The following SYCP2L variants were observed in gnomAD, a reference collection of about 807,000 sequenced individuals.
The protein encoded by SYCP2L is synaptonemal complex protein 2 like, also known as synaptonemal complex protein 2-like.
A neutral mutation model predicts 125.8 loss-of-function variants in SYCP2L; 98 were observed. The ratio of observed to expected loss-of-function variants is 0.78; its 90% CI spans 0.66 to 0.92. SYCP2L has a LOEUF of 0.92. SYCP2L is among the 40% of genes least tolerant of loss of function. SYCP2L has a pLI of 0.00. For missense variants in SYCP2L, 842 were observed against 936.4 expected (o/e 0.90, Z 1.32); for synonymous variants, 317 against 325.4 (o/e 0.97, Z 0.28).
rs572626170 is a variant in SYCP2L at position 10,910,793 on chromosome 6, T to C, written c.873-31T>C. On this transcript the variant is annotated intron_variant, in intron 11 of 29. Coordinates refer to ENST00000283141, the MANE Select transcript of SYCP2L (RefSeq NM_001040274.3). Reference sequence around the variant, plus strand: ...AGATGTGTTTAAGATTCATTCATGTTTTATTTTTTTAATTGTGAGGTATTT... The same window carrying C: ...AGATGTGTTTAAGATTCATTCATGTCTTATTTTTTTAATTGTGAGGTATTT... 36 of 1,612,610 alleles carry C rather than the reference T, an allele frequency of 2.2e-5. No individual in the cohort carries two copies. The South Asian group carries it at 3.6e-4, about 16-fold the overall frequency.
intron 20 of SYCP2L, among the ~76,000 whole-genome samples, chr6:10,931,970 A>C (rs796726205): frequency 2.1e-5 from 3 of 145,638 alleles, no homozygotes; most frequent in African/African-American, 7.6e-5. Flanking sequence ...GTCTCAAAAA[A>C]AAAAAAAAAG....
chr6:10,922,394 G>T (rs1174472352), intron 14 of SYCP2L, among the ~76,000 whole-genome samples: 1 of 151,908 alleles, frequency 6.6e-6, no homozygotes, highest in Non-Finnish European at 1.5e-5. Context: ...GAAGCTTGAT[G>T]TAGCCCTCAT....
chr6:10,938,774 C>G (rs974703309), intron 21 of SYCP2L, among the ~76,000 whole-genome samples: 1 of 152,020 alleles, frequency 6.6e-6, no homozygotes, highest in African/African-American at 2.4e-5. Context: ...CAAAACAAAA[C>G]AAAAATCAGT....
intron 21 of SYCP2L, among the ~76,000 whole-genome samples, chr6:10,938,641 C>G (rs75931223): frequency 0.022 from 3,342 of 152,216 alleles, 167 homozygotes; most frequent in East Asian, 0.22. Context: ...CATGATTTTA[C>G]ATATATCAAA....
rs375997916 is a variant in SYCP2L at position 10,919,559 on chromosome 6, C to T, written c.1073-4937C>T. ...GTTTTTGTGCTGGTTGGCCTTCTGCCGGTAGGTGGTGATTTCCAGAGAGCA... is the reference window on the plus strand; with the variant it reads ...GTTTTTGTGCTGGTTGGCCTTCTGCTGGTAGGTGGTGATTTCCAGAGAGCA... On this transcript the variant is annotated intron_variant, in intron 14 of 29. Transcript: ENST00000283141. 1.5e-4 allele frequency among the ~76,000 whole-genome samples: 23 copies of T among 152,226 alleles called. No homozygotes were observed. In the South Asian group the frequency reaches 4.1e-3, roughly 27 times the overall value.
intron 8 of SYCP2L, among the ~76,000 whole-genome samples, chr6:10,905,622 C>T (rs1199219911): frequency 6.6e-6 from 1 of 152,176 alleles, no homozygotes; most frequent in Non-Finnish European, 1.5e-5. Context: ...GATCAAGCAG[C>T]TCATAGGAAA....
intron 14 of SYCP2L, among the ~76,000 whole-genome samples, chr6:10,923,645 A>G (rs1389016946): frequency 6.7e-6 from 1 of 149,598 alleles, no homozygotes; most frequent in Non-Finnish European, 1.5e-5. Context: ...CGGCCTCCCA[A>G]AGTGCTGGGA....
At chr6:10,890,656 T>C (rs1199905073) in intron 1 of SYCP2L, among the ~76,000 whole-genome samples, 1 of 152,214 alleles carries the variant, frequency 6.6e-6, no homozygotes, top group African/African-American at 2.4e-5. Flanking sequence ...CTCTTCACTC[T>C]ATTATTTCCC....
At chr6:10,916,796 CCT>C (rs1229293364) in intron 14 of SYCP2L, among the ~76,000 whole-genome samples, 2 of 152,122 alleles carry the variant, frequency 1.3e-5, no homozygotes, top group Non-Finnish European at 2.9e-5. Flanking sequence ...TCAAGACCAG[CCT>C]GGTCAACATG....
At chr6:10,927,478 G>A (rs556167772) in intron 17 of SYCP2L, 111 bp downstream of exon 17, 21 of 801,120 alleles carry the variant, frequency 2.6e-5, no homozygotes, top group African/African-American at 1.7e-4. Flanking sequence ...ATCACATGTC[G>A]GTAGGTTCCG....
chr6:10,968,836 T>C (rs1259918675), intron 29 of SYCP2L, among the ~76,000 whole-genome samples: 1 of 152,102 alleles, frequency 6.6e-6, no homozygotes, highest in Non-Finnish European at 1.5e-5. Flanking sequence ...TTTCGAAGCT[T>C]TTTGAAGGAG....
In SYCP2L at chr6:10,900,058, C is replaced by T. The variant is rs117596332; in HGVS notation, c.466+1210C>T. Among the ~76,000 whole-genome samples, 101 of 152,328 alleles carry T rather than the reference C, an allele frequency of 6.6e-4. 1 individual carries two copies. The East Asian group carries it at 0.019, about 28-fold the overall frequency. On this transcript the variant is annotated intron_variant, in intron 6 of 29. Coordinates refer to ENST00000283141, the MANE Select transcript of SYCP2L (RefSeq NM_001040274.3). ...ATTGCTTGGTGCATTTATGGATTCA[C>T]ATAATGCTATAATGACTTTCATTGC...
At chr6:10,941,977 A>G (rs1460686845) in intron 21 of SYCP2L, among the ~76,000 whole-genome samples, 1 of 145,350 alleles carries the variant, frequency 6.9e-6, no homozygotes, top group African/African-American at 2.8e-5. Context: ...TGCAGCCATA[A>G]AAAATGATGA....
At chr6:10,907,353 C>CAA (rs59459507) in intron 9 of SYCP2L, among the ~76,000 whole-genome samples, 189 bp from the exon 10 acceptor site, 5,764 of 139,076 alleles carry the variant, frequency 0.041, 355 homozygotes, top group African/African-American at 0.14. Context: ...GAGACAATCT[C>CAA]AAAAAAAAAA....
intron 21 of SYCP2L, among the ~76,000 whole-genome samples, chr6:10,938,519 C>G (rs528217738): frequency 1.3e-5 from 2 of 152,164 alleles, no homozygotes; most frequent in African/African-American, 2.4e-5. Context: ...TCTACTCTTG[C>G]CACTTCTGTT....
rs548957159 is a variant in SYCP2L at position 10,894,147 on chromosome 6, C to T, written c.279C>T (p.Leu93=). ...TGCTGAAATGTATTCAGCGATTCCT[C>T]GTAGATGGCCTGAAAGAAGATGAAC... is the stretch of plus-strand genomic sequence containing the variant. ...SLLLKCIQRF[L]VDGLKEDEPL... The change falls in exon 4 of 30, where the codon CTC becomes CTT. Residue 93 remains leucine (L), a synonymous_variant. Transcript: ENST00000283141. The T allele has an allele frequency of 3.1e-5, 50 of 1,613,582 alleles. No individual in the cohort carries two copies. In the Middle Eastern group the frequency reaches 6.6e-4, roughly 21 times the overall value.
chr6:10,955,021 G>A, intron 23 of SYCP2L, 95 bp from the exon 24 acceptor site: 2 of 830,086 alleles, frequency 2.4e-6, no homozygotes, highest in Non-Finnish European at 4.0e-6. Flanking sequence ...CAGGGGACAA[G>A]TTTCAGATGG....
At chr6:10,967,621 T>C (rs576848544) in intron 29 of SYCP2L, among the ~76,000 whole-genome samples, 2 of 152,282 alleles carry the variant, frequency 1.3e-5, no homozygotes, top group East Asian at 1.9e-4. Context: ...ATACTTATTC[T>C]AGTAAATTCA....
chr6:10,968,672 A>G (rs1781717316), intron 29 of SYCP2L, among the ~76,000 whole-genome samples: 1 of 152,162 alleles, frequency 6.6e-6, no homozygotes, highest in African/African-American at 2.4e-5. Flanking sequence ...GCAGGAGAGA[A>G]AGACCTCAGG....
Sources: allele counts gnomAD v4.1 joint callset (sites outside exome capture counted in the v4.1 genomes callset), GRCh38; gene constraint gnomAD v4.1.1; transcripts MANE v1.5; gene names NCBI Gene and HGNC (gene_info 2026-07-23, HGNC 2026-07-21).